Variants in BRWD3 observed in about 807,000 individuals in gnomAD.
BRWD3 encodes the protein bromodomain and WD repeat domain containing 3.
A neutral mutation model predicts 149.7 loss-of-function variants in BRWD3; 10 were observed. That is an observed-to-expected ratio of 0.07 (90% CI 0.04 to 0.11). BRWD3 has a LOEUF of 0.11. Among genes scored for constraint, BRWD3 ranks in the 10% least tolerant of loss-of-function variants. The probability of loss-of-function intolerance (pLI) is 1.00; values close to 1 mark genes in which losing one functional copy is unlikely to be tolerated. For synonymous variants in BRWD3, 504 were observed against 456.7 expected (o/e 1.10, Z -1.32); for missense variants, 940 against 1,373.2 (o/e 0.68, Z 4.99).
At chrX:80,746,165 ATATG>A (rs1157327908) in intron 6 of BRWD3, among the ~76,000 whole-genome samples, 2 of 110,541 alleles carry the variant, frequency 1.8e-5, no homozygotes, top group Non-Finnish European at 3.8e-5. Context: ...CCTATCCACC[ATATG>A]TATGACTGCC....
At chrX:80,777,680 G>A (rs1183701484) in intron 6 of BRWD3, among the ~76,000 whole-genome samples, 4 of 111,768 alleles carry the variant, frequency 3.6e-5, no homozygotes, top group Non-Finnish European at 7.5e-5. Flanking sequence ...TTACAGGCAC[G>A]AGCCACCATG....
intron 26 of BRWD3, 69 bp from the exon 27 acceptor site, chrX:80,696,059 G>T: frequency 1.0e-6 from 1 of 957,723 alleles, no homozygotes. Flanking sequence ...AAATGTCCAA[G>T]GATATATGTT....
chrX:80,727,209 C>A (rs1365354102), intron 14 of BRWD3, among the ~76,000 whole-genome samples: 2 of 111,342 alleles, frequency 1.8e-5, no homozygotes, highest in Non-Finnish European at 3.8e-5. Context: ...TGGCTACTAT[C>A]AGACTCCTAT....
In BRWD3 at chrX:80,676,757, C is replaced by A; in HGVS notation, c.5261G>T (p.Arg1754Met). 1.7e-6 allele frequency: 2 copies of A among 1,211,135 alleles called. No individual in the cohort carries two copies. Among genetic ancestry groups the A allele is most frequent in the Non-Finnish European group, 2.2e-6 (2 of 895,311 alleles). The change falls in exon 41 of 41, where the codon AGG becomes ATG. Residue 1754 changes from arginine to methionine, a missense_variant. This residue lies in a region of BRWD3 where 16 missense variants were observed against 42.0 expected (regional missense o/e 0.38). Coordinates refer to ENST00000373275, the MANE Select transcript of BRWD3 (RefSeq NM_153252.5). ...LPRIKTRNQG[R>M]RTVLYNDDSD... ...ATCATCATTATATAAAACAGTCCTC[C>A]TGCCTTGGTTTCTTGTTTTAATTCG...
At chrX:80,794,297 G>T (rs747433365) in intron 4 of BRWD3, among the ~76,000 whole-genome samples, 2 of 111,196 alleles carry the variant, frequency 1.8e-5, no homozygotes, top group South Asian at 7.5e-4. Context: ...CTTGAGCCCA[G>T]GAGTTTGATA....
At chrX:80,696,029 A>T in intron 26 of BRWD3, 39 bp from the exon 27 acceptor site, 2 of 1,032,497 alleles carry the variant, frequency 1.9e-6, no homozygotes, top group Non-Finnish European at 2.7e-6. Flanking sequence ...CAATATAGAG[A>T]TATAACAATA....
intron 34 of BRWD3, among the ~76,000 whole-genome samples, 168 bp downstream of exon 34, chrX:80,687,901 T>C (rs997789436): frequency 9.0e-6 from 1 of 110,610 alleles, no homozygotes; most frequent in African/African-American, 3.3e-5. Flanking sequence ...ATGACTCAAC[T>C]GGGTACCCTT....
chrX:80,781,068 G>C (rs1430752604), intron 6 of BRWD3, among the ~76,000 whole-genome samples: 1 of 111,802 alleles, frequency 8.9e-6, no homozygotes, highest in Non-Finnish European at 1.9e-5. Flanking sequence ...TTAATGCAAG[G>C]GTCCTGAGCT....
chrX:80,770,451 G>A (rs1432404118), intron 6 of BRWD3, among the ~76,000 whole-genome samples: 12 of 111,551 alleles, frequency 1.1e-4, no homozygotes, highest in Non-Finnish European at 2.1e-4. Context: ...TTCAGCATAC[G>A]CAAATCAATA....
At chrX:80,726,223 T>A (rs1189254948) in intron 14 of BRWD3, among the ~76,000 whole-genome samples, 1 of 97,648 alleles carries the variant, frequency 1.0e-5, no homozygotes, top group Non-Finnish European at 2.2e-5. Context: ...GTATAACATA[T>A]AACACGTTTA....
chrX:80,762,816 A>C (rs182607627), intron 6 of BRWD3, among the ~76,000 whole-genome samples: 16 of 111,580 alleles, frequency 1.4e-4, no homozygotes, highest in Admixed American at 1.1e-3. Flanking sequence ...GAATTAAATG[A>C]GGTGAATTTT....
chrX:80,747,335 G>A (rs2073607309), intron 6 of BRWD3, among the ~76,000 whole-genome samples: 1 of 109,304 alleles, frequency 9.1e-6, no homozygotes, highest in South Asian at 4.0e-4. Flanking sequence ...CCATTGCAGG[G>A]TGTTTTGCAG....
chrX:80,728,650 A>G, intron 14 of BRWD3, 102 bp downstream of exon 14: 1 of 692,519 alleles, frequency 1.4e-6, no homozygotes. Context: ...TCCAAGGACT[A>G]GTATAGTATA....
chrX:80,808,583 A>G lies in BRWD3; in HGVS notation c.136T>C (p.Leu46=). 12 of 1,207,777 alleles carry G rather than the reference A, an allele frequency of 9.9e-6. No individual in the cohort carries two copies. Among genetic ancestry groups the G allele is most frequent in the Non-Finnish European group, 1.3e-5 (12 of 893,927 alleles). ...LEEHQLIPRR[L]DWEGKEHRRS... ...CGGTGCTCTTTCCCCTCCCAATCTA[A>G]GCGGCGCGGAATCAGCTGGGGGCCG... The change falls in exon 4 of 41, where the codon TTA becomes CTA. Residue 46 remains leucine (L), a synonymous_variant. Transcript: ENST00000373275.
chrX:80,677,823 C>A (rs1043488343), intron 40 of BRWD3, among the ~76,000 whole-genome samples: 1 of 111,254 alleles, frequency 9.0e-6, no homozygotes, highest in African/African-American at 3.3e-5. Context: ...AAATTTCACA[C>A]AGACATGTTA....
At chrX:80,794,765 T>G (rs1240531908) in intron 4 of BRWD3, among the ~76,000 whole-genome samples, 1 of 110,626 alleles carries the variant, frequency 9.0e-6, no homozygotes, top group Non-Finnish European at 1.9e-5. Context: ...TCTTATGAAA[T>G]AAGTGTTACA....
intron 16 of BRWD3, among the ~76,000 whole-genome samples, chrX:80,723,099 C>T (rs1490922852): frequency 9.0e-6 from 1 of 111,678 alleles, no homozygotes; most frequent in Non-Finnish European, 1.9e-5. Flanking sequence ...GTAAAAATTA[C>T]ACAAACCTAT....
At position 80,720,203 on chromosome X, in the gene BRWD3, T is replaced by TA. The variant is rs201840669; in HGVS notation, c.1877-548dup. ...TTTGAAATGTACTCCTTTTAATTAT[T>TA]AAAAAAAATTGCACTGTAAAACAGC... On this transcript the variant is annotated intron_variant, in intron 17 of 40. Transcript: ENST00000373275. Among the ~76,000 whole-genome samples the TA allele has an allele frequency of 2.1e-4, 23 of 111,192 alleles. No individual in the cohort carries two copies. The East Asian group carries it at 3.6e-3, about 18-fold the overall frequency.
chrX:80,683,154 A>G (rs2072479177), intron 37 of BRWD3, among the ~76,000 whole-genome samples: 1 of 111,714 alleles, frequency 9.0e-6, no homozygotes, highest in African/African-American at 3.2e-5. Context: ...CTTGTTTTCA[A>G]AGAGTCATGA....
Sources: allele counts gnomAD v4.1 joint callset (sites outside exome capture counted in the v4.1 genomes callset), GRCh38; gene constraint gnomAD v4.1.1; regional missense constraint gnomAD v4.1.1; transcripts MANE v1.5; gene names NCBI Gene and HGNC (gene_info 2026-07-23, HGNC 2026-07-21).